The following ZEB2 variants were observed in gnomAD, a reference collection of about 807,000 sequenced individuals.
ZEB2 encodes zinc finger E-box binding homeobox 2.
ZEB2 carries 6 observed loss-of-function variants against 99.9 expected under a neutral mutation model. The ratio of observed to expected loss-of-function variants is 0.06; its 90% CI spans 0.03 to 0.12. The LOEUF (loss-of-function observed/expected upper bound fraction) is 0.12, where lower values mean the gene tolerates loss of function less well. ZEB2 is among the 10% of genes least tolerant of loss of function. The probability of loss-of-function intolerance (pLI) is 1.00; values close to 1 mark genes in which losing one functional copy is unlikely to be tolerated. For missense variants in ZEB2, 969 were observed against 1,502.8 expected, an observed-to-expected ratio of 0.64 and a Z score of 5.87; for synonymous variants, 517 against 542.5, an observed-to-expected ratio of 0.95 and a Z score of 0.65.
intron 4 of ZEB2, chr2:144,405,229 G>A (rs1703371008): frequency 1.0e-5 from 6 of 599,478 alleles, no homozygotes; most frequent in Admixed American, 3.0e-5. Flanking sequence ...TTTCCTTCAA[G>A]TTAAATAAGC....
chr2:144,440,102 C>T (rs1703885605), intron 2 of ZEB2, among the ~76,000 whole-genome samples: 1 of 152,034 alleles, frequency 6.6e-6, no homozygotes, highest in Admixed American at 6.6e-5. Context: ...GAGTTTTAAA[C>T]TTTTAAAAAT....
At chr2:144,401,393 T>C in intron 6 of ZEB2, 86 bp from the exon 7 acceptor site, 1 of 1,333,766 alleles carries the variant, frequency 7.5e-7, no homozygotes. Context: ...GCCTCTGTTT[T>C]TCAGACAGGC....
chr2:144,407,700 A>G (rs1216461370), intron 4 of ZEB2, among the ~76,000 whole-genome samples: 1 of 152,228 alleles, frequency 6.6e-6, no homozygotes, highest in Non-Finnish European at 1.5e-5. Flanking sequence ...AGCACAAAGT[A>G]ACGTAATAGC....
In ZEB2 at chr2:144,517,344, G is replaced by A; in HGVS notation, c.7C>T (p.Gln3Ter). The A allele has an allele frequency of 6.2e-7, 1 of 1,613,640 alleles. No individual in the cohort carries two copies. Among genetic ancestry groups the A allele is most frequent in the Non-Finnish European group, 8.5e-7 (1 of 1,179,852 alleles). MK[Q>*]PIMADGPRCK... Reference sequence around the variant, plus strand: ...CGGGGGCCATCCGCCATGATCGGCTGCTTCATTGATAAGAGCGGATCAGAT... The same window carrying A: ...CGGGGGCCATCCGCCATGATCGGCTACTTCATTGATAAGAGCGGATCAGAT... Residue 3 changes from glutamine (Q) to a stop codon, truncating the protein, a stop_gained, in exon 2 of 10, where the codon CAG (glutamine) becomes TAG (stop). Coordinates refer to ENST00000627532, the MANE Select transcript of ZEB2 (RefSeq NM_014795.4). LOFTEE classifies it high-confidence loss of function.
At chr2:144,439,882 T>C (rs958128052) in intron 2 of ZEB2, among the ~76,000 whole-genome samples, 1 of 152,198 alleles carries the variant, frequency 6.6e-6, no homozygotes, top group African/African-American at 2.4e-5. Flanking sequence ...CACATAAAAT[T>C]GTTTTATTCA....
chr2:144,478,902 T>A (rs951701731), intron 2 of ZEB2, among the ~76,000 whole-genome samples: 3 of 152,184 alleles, frequency 2.0e-5, no homozygotes, highest in African/African-American at 7.2e-5. Context: ...CATGTTTTTA[T>A]GAAAACAAGA....
chr2:144,398,692 G>T lies in ZEB2; in HGVS notation c.2495C>A (p.Ala832Asp), dbSNP rs730881179. Residue 832 changes from alanine (A) to aspartate (D), a missense_variant, in exon 8 of 10, where the codon GCC (alanine) becomes GAC (aspartate). Around this residue, in one of 8 missense-constraint regions of ZEB2, gnomAD observed 346 missense variants for 460.0 expected, o/e 0.75. Coordinates refer to ENST00000627532, the MANE Select transcript of ZEB2 (RefSeq NM_014795.4). ...ACTAGCTTTTGTTTTGTTCTTTGTGGCTATAATACTTTTGGGTTCTTTCAT... is the reference window on the plus strand; with the variant it reads ...ACTAGCTTTTGTTTTGTTCTTTGTGTCTATAATACTTTTGGGTTCTTTCAT... The part of the protein sequence containing the change: ...KQMKEPKSII[A>D]TKNKTKASSI... 1.2e-6 allele frequency: 2 copies of T among 1,614,022 alleles called. No homozygotes were observed. Among genetic ancestry groups the T allele is most frequent in the Admixed American group, 1.7e-5 (1 of 59,976 alleles).
At chr2:144,504,160 C>G (rs935040296) in intron 2 of ZEB2, 3 of 150,878 alleles carry the variant, frequency 2.0e-5, no homozygotes, top group African/African-American at 7.3e-5. Context: ...GGCTTTCAAG[C>G]TTTAATAAGT....
intron 2 of ZEB2, among the ~76,000 whole-genome samples, chr2:144,439,486 T>C (rs1332990749): frequency 6.6e-6 from 1 of 152,240 alleles, no homozygotes; most frequent in Admixed American, 6.5e-5. Context: ...AGAGTTAATA[T>C]GGGTTAATTA....
At chr2:144,475,996 A>G (rs373457914) in intron 2 of ZEB2, among the ~76,000 whole-genome samples, 1 of 152,210 alleles carries the variant, frequency 6.6e-6, no homozygotes, top group East Asian at 1.9e-4. Flanking sequence ...GTAAAAACCT[A>G]CTTCCTTCTG....
At chr2:144,481,782 T>C (rs1560643180) in intron 2 of ZEB2, among the ~76,000 whole-genome samples, 1 of 152,210 alleles carries the variant, frequency 6.6e-6, no homozygotes, top group Non-Finnish European at 1.5e-5. Context: ...TATGAATTTG[T>C]TGAAAGAACA....
Position 144,496,864 on chromosome 2 carries a change from G to GA in ZEB2, c.73+20413dup, listed in dbSNP as rs2149922349. 3 of 152,268 alleles carry GA rather than the reference G, an allele frequency of 2.0e-5. No homozygotes were observed. The East Asian group carries it at 5.8e-4, about 29-fold the overall frequency. The allele number at this position is 152,268 out of a possible 1,614,324, so 9.4% of individuals were successfully genotyped here. A position where few individuals can be genotyped will look rare whatever the true frequency, so the allele number is the denominator to read the frequency against. ...GTACAGTTGCCAGAGACGTGTCACTGAAACGCAAATATAATTATGTCACTC... is the reference window on the plus strand; with the variant it reads ...GTACAGTTGCCAGAGACGTGTCACTGAAAACGCAAATATAATTATGTCACTC... On this transcript the variant is annotated intron_variant, in intron 2 of 9. Transcript: ENST00000627532.
rs940761801 is a variant in ZEB2 at position 144,389,329 on chromosome 2, C to T, written c.*122G>A. The T allele has an allele frequency of 1.1e-4, 135 of 1,189,444 alleles. 1 individual carries two copies. Among genetic ancestry groups the T allele is most frequent in the Non-Finnish European group, 1.3e-4 (103 of 805,262 alleles). 73.7% of individuals were successfully genotyped at this position (1,189,444 alleles called of 1,614,324 possible). ...GTCTTGGCTGAACCGCCCCTTCTGTCCCTCTCTACAGCTTCCTGGAAGCGT... is the reference window on the plus strand; with the variant it reads ...GTCTTGGCTGAACCGCCCCTTCTGTTCCTCTCTACAGCTTCCTGGAAGCGT... On this transcript the variant is annotated 3_prime_UTR_variant, in exon 10 of 10. Coordinates refer to ENST00000627532, the MANE Select transcript of ZEB2 (RefSeq NM_014795.4). This position sits in a 1 kb window ranked among gnomAD's most constrained non-coding sequence, Gnocchi z 6.8.
At chr2:144,390,788 T>C (rs925383822) in intron 9 of ZEB2, among the ~76,000 whole-genome samples, 6 of 152,224 alleles carry the variant, frequency 3.9e-5, no homozygotes, top group African/African-American at 1.2e-4. Context: ...TTCCAGGCAG[T>C]TTCTAACCAG....
At chr2:144,519,782 A>G in intron 1 of ZEB2, 157 bp downstream of exon 1, 1 of 353,144 alleles carries the variant, frequency 2.8e-6, no homozygotes, top group Non-Finnish European at 5.5e-6. Flanking sequence ...GCTTGCCATA[A>G]AGGAGCTAAA....
At chr2:144,449,940 C>T (rs747151087) in intron 2 of ZEB2, among the ~76,000 whole-genome samples, 1 of 152,146 alleles carries the variant, frequency 6.6e-6, no homozygotes, top group Non-Finnish European at 1.5e-5. Flanking sequence ...GGATGAGTGA[C>T]TTTTGGGTGT....
intron 3 of ZEB2, chr2:144,428,700 T>G (rs1282229274): frequency 6.6e-6 from 1 of 152,188 alleles, no homozygotes; most frequent in Non-Finnish European, 1.5e-5. Flanking sequence ...GTAGTGGAAG[T>G]GCTTTTATTA....
intron 2 of ZEB2, chr2:144,503,651 TTC>T (rs1704906386): frequency 6.6e-6 from 1 of 152,112 alleles, no homozygotes; most frequent in Non-Finnish European, 1.5e-5. Flanking sequence ...AGAAAAAATG[TTC>T]TCAGGCAAAG....
chr2:144,488,029 G>A (rs895332983), intron 2 of ZEB2, among the ~76,000 whole-genome samples: 1 of 152,104 alleles, frequency 6.6e-6, no homozygotes, highest in East Asian at 1.9e-4. Context: ...CTCCATGAAC[G>A]GGTGGGAGAT....
Sources: allele counts gnomAD v4.1 joint callset (sites outside exome capture counted in the v4.1 genomes callset), GRCh38; gene constraint gnomAD v4.1.1; regional missense constraint gnomAD v4.1.1; non-coding constraint Gnocchi (gnomAD v3.1); transcripts MANE v1.5; gene names NCBI Gene and HGNC (gene_info 2026-07-23, HGNC 2026-07-21).